The following TLK1 variants were observed in gnomAD, a reference collection of about 807,000 sequenced individuals.
The protein encoded by TLK1 is serine/threonine-protein kinase tousled-like 1.
A neutral mutation model predicts 105.3 loss-of-function variants in TLK1; 24 were observed. The ratio of observed to expected loss-of-function variants is 0.23; its 90% CI spans 0.17 to 0.32. The LOEUF is 0.32. Among genes scored for constraint, TLK1 ranks in the 10% least tolerant of loss-of-function variants. The probability of loss-of-function intolerance (pLI) is 1.00; values close to 1 mark genes in which losing one functional copy is unlikely to be tolerated. For missense variants in TLK1, 558 were observed against 910.5 expected (o/e 0.61, Z 4.98); for synonymous variants, 321 against 310.4 (o/e 1.03, Z -0.36).
chr2:171,005,049 G>A (rs1338186874), intron 18 of TLK1, among the ~76,000 whole-genome samples: 2 of 152,212 alleles, frequency 1.3e-5, no homozygotes, highest in Non-Finnish European at 2.9e-5. Context: ...GATGTGCTCA[G>A]TTTGTGTGAA....
chr2:171,006,105 G>A lies in TLK1; in HGVS notation c.1904+42C>T, dbSNP rs1684640727. On this transcript the variant is annotated intron_variant, in intron 18 of 20. Coordinates refer to ENST00000431350, the MANE Select transcript of TLK1 (RefSeq NM_012290.5). Reference sequence around the variant, plus strand: ...CACTAAATTATTATAAAAGCACTGGGCACCAATCTAGACATTCTGATGTTT... The same window carrying A: ...CACTAAATTATTATAAAAGCACTGGACACCAATCTAGACATTCTGATGTTT... 9.6e-6 allele frequency: 14 copies of A among 1,464,340 alleles called. No individual in the cohort carries two copies. In the South Asian group the frequency reaches 2.0e-4, roughly 21 times the overall value. The allele number at this position is 1,464,340 out of a possible 1,614,324, so 90.7% of individuals were successfully genotyped here.
chr2:171,104,806 T>C (rs1689845156), intron 2 of TLK1, among the ~76,000 whole-genome samples: 1 of 152,224 alleles, frequency 6.6e-6, no homozygotes, highest in Admixed American at 6.5e-5. Flanking sequence ...TGTTGGTGTA[T>C]AGAAATGCTA....
At chr2:171,082,254 T>C (rs2105476884) in intron 3 of TLK1, among the ~76,000 whole-genome samples, 1 of 152,210 alleles carries the variant, frequency 6.6e-6, no homozygotes, top group South Asian at 2.1e-4. Flanking sequence ...AGATATTTTC[T>C]TGGTGGGATC....
chr2:171,022,213 A>C (rs943760099), intron 12 of TLK1, among the ~76,000 whole-genome samples: 19 of 151,824 alleles, frequency 1.3e-4, no homozygotes, highest in Admixed American at 1.2e-3. Context: ...TGTGATTATA[A>C]ATATGGAAAA....
At chr2:171,021,433 C>CTTT (rs531522490) in intron 12 of TLK1, among the ~76,000 whole-genome samples, 1 of 116,842 alleles carries the variant, frequency 8.6e-6, no homozygotes, top group African/African-American at 3.3e-5. Context: ...CCCGCCCCGA[C>CTTT]TTTTTTTTTT....
chr2:171,051,486 T>C (rs1322131262), intron 8 of TLK1, among the ~76,000 whole-genome samples: 1 of 152,090 alleles, frequency 6.6e-6, no homozygotes, highest in Non-Finnish European at 1.5e-5. Flanking sequence ...CCTCCTGTTA[T>C]CTGCTTAGAA....
Position 171,195,521 on chromosome 2 carries a change from A to AG in TLK1, c.-6+35623_-6+35624insC, listed in dbSNP as rs1693256321. 2.0e-5 allele frequency among the ~76,000 whole-genome samples: 3 copies of AG among 150,444 alleles called. No homozygotes were observed. In the Admixed American group the frequency reaches 2.0e-4, roughly 10 times the overall value. ...TGTCTCAAAAAAAAAAAAAAAAAAA[A>AG]ACATAATCCACCATGGATAAGCTCT... On this transcript the variant is annotated intron_variant, in intron 1 of 20. Coordinates refer to the TLK1 transcript ENST00000521943.
At chr2:171,174,306 C>T (rs1199348869) in intron 1 of TLK1, among the ~76,000 whole-genome samples, 1 of 152,032 alleles carries the variant, frequency 6.6e-6, no homozygotes, top group Non-Finnish European at 1.5e-5. Flanking sequence ...CCTATTCTTT[C>T]CCCCACCCTT....
intron 12 of TLK1, among the ~76,000 whole-genome samples, chr2:171,025,914 A>G (rs1685749333): frequency 6.6e-6 from 1 of 152,200 alleles, no homozygotes; most frequent in Non-Finnish European, 1.5e-5. Flanking sequence ...TGTATGTACT[A>G]CTGGCCACTT....
chr2:171,012,999 T>C (rs959114586), intron 13 of TLK1, among the ~76,000 whole-genome samples: 1 of 137,924 alleles, frequency 7.3e-6, no homozygotes, highest in Admixed American at 8.0e-5. Context: ...TTTTGTACCA[T>C]ATGCTCTATT....
intron 1 of TLK1, among the ~76,000 whole-genome samples, chr2:171,225,210 G>A (rs1048742876): frequency 1.5e-4 from 23 of 152,202 alleles, no homozygotes; most frequent in African/African-American, 5.5e-4. Context: ...CCCACAAATT[G>A]GGAGAAAATA....
intron 18 of TLK1, among the ~76,000 whole-genome samples, chr2:171,003,451 G>A (rs1009054315): frequency 1.1e-4 from 17 of 152,088 alleles, no homozygotes; most frequent in South Asian, 2.1e-4. Flanking sequence ...TACATATCAA[G>A]CAATTCAACT....
intron 2 of TLK1, among the ~76,000 whole-genome samples, chr2:171,104,261 GT>G (rs1372846716): frequency 1.4e-5 from 2 of 145,400 alleles, no homozygotes; most frequent in Non-Finnish European, 3.0e-5. Flanking sequence ...GGGCAACAGA[GT>G]TGAGATTCTG....
chr2:171,209,083 G>A (rs1373467449), intron 1 of TLK1, among the ~76,000 whole-genome samples: 1 of 152,170 alleles, frequency 6.6e-6, no homozygotes, highest in African/African-American at 2.4e-5. Flanking sequence ...TACTGATAAT[G>A]GAGAAGCTTC....
At chr2:171,178,504 A>C (rs1692873183) in intron 1 of TLK1, among the ~76,000 whole-genome samples, 1 of 152,194 alleles carries the variant, frequency 6.6e-6, no homozygotes, top group Non-Finnish European at 1.5e-5. Context: ...TATAAGACAG[A>C]TAGGCTGGGG....
At chr2:171,004,978 T>A (rs890533388) in intron 18 of TLK1, among the ~76,000 whole-genome samples, 2 of 152,250 alleles carry the variant, frequency 1.3e-5, no homozygotes, top group African/African-American at 4.8e-5. Flanking sequence ...TGAATATGAC[T>A]AATCCCTGCT....
rs574348857 is a variant in TLK1 at position 171,050,178 on chromosome 2, T to C, written c.733-4A>G. 4 of 1,587,878 alleles carry C rather than the reference T, an allele frequency of 2.5e-6. No homozygotes were observed. Among genetic ancestry groups the C allele is most frequent in the African/African-American group, 2.7e-5 (2 of 74,306 alleles). ...GCCGTCTGAGATCACAGTTAGCCTA[T>C]GACATAAGTAGAAAATGCAAGAGGT... On this transcript the variant is annotated splice_polypyrimidine_tract_variant and splice_region_variant and intron_variant, in intron 8 of 20. Coordinates refer to ENST00000431350, the MANE Select transcript of TLK1 (RefSeq NM_012290.5).
intron 8 of TLK1, among the ~76,000 whole-genome samples, chr2:171,053,428 T>A (rs1268632490): frequency 1.3e-5 from 2 of 152,068 alleles, no homozygotes; most frequent in Non-Finnish European, 2.9e-5. Flanking sequence ...AGTGACGTGA[T>A]CTCAGCTCAC....
chr2:171,115,357 A>G (rs7597940), intron 2 of TLK1, among the ~76,000 whole-genome samples: 61,026 of 151,138 alleles, frequency 0.4, 14,044 homozygotes, highest in African/African-American at 0.61. Flanking sequence ...TGTATTTTTA[A>G]TAGAGACGGG....
Sources: allele counts gnomAD v4.1 joint callset (sites outside exome capture counted in the v4.1 genomes callset), GRCh38; gene constraint gnomAD v4.1.1; transcripts MANE v1.5; gene names NCBI Gene and HGNC (gene_info 2026-07-23, HGNC 2026-07-21).